The following GRIK4 variants were observed in gnomAD, a reference collection of about 807,000 sequenced individuals.
GRIK4 encodes glutamate ionotropic receptor kainate type subunit 4, also known as glutamate receptor ionotropic, kainate 4.
In GRIK4, 40 loss-of-function variants were observed where a neutral mutation model predicts 104.9. That is an observed-to-expected ratio of 0.38 (90% CI 0.30 to 0.50). The LOEUF (loss-of-function observed/expected upper bound fraction) is 0.50, where lower values mean the gene tolerates loss of function less well. GRIK4 is among the 20% of genes least tolerant of loss of function. The probability of loss-of-function intolerance (pLI) is 0.93; values close to 1 mark genes in which losing one functional copy is unlikely to be tolerated. For synonymous variants in GRIK4, 485 were observed against 524.9 expected (o/e 0.92, Z 1.04); for missense variants, 1,047 against 1,308.1 (o/e 0.80, Z 3.08).
At chr11:120,674,068 C>A (rs984487412) in intron 3 of GRIK4, among the ~76,000 whole-genome samples, 7 of 152,218 alleles carry the variant, frequency 4.6e-5, no homozygotes, top group South Asian at 2.1e-4. Context: ...GCAGCAATAT[C>A]ATTTCATGGC....
chr11:120,874,500 C>A (rs572342901), intron 10 of GRIK4, among the ~76,000 whole-genome samples: 4 of 152,176 alleles, frequency 2.6e-5, no homozygotes, highest in Non-Finnish European at 5.9e-5. Flanking sequence ...AGACTTAGCA[C>A]CTGGCCTCTC....
At chr11:120,837,959 T>C (rs544127417) in intron 8 of GRIK4, among the ~76,000 whole-genome samples, 2 of 151,788 alleles carry the variant, frequency 1.3e-5, no homozygotes, top group South Asian at 4.2e-4. Context: ...GCAACATGAG[T>C]AGAGGAGGAA....
intron 9 of GRIK4, among the ~76,000 whole-genome samples, chr11:120,864,636 C>T (rs538837679): frequency 2.6e-5 from 4 of 152,358 alleles, no homozygotes; most frequent in East Asian, 3.9e-4. Flanking sequence ...AGCCTCACCA[C>T]ATTTGGCATC....
At chr11:120,900,182 G>A (rs1164465613) in intron 12 of GRIK4, among the ~76,000 whole-genome samples, 1 of 152,230 alleles carries the variant, frequency 6.6e-6, no homozygotes, top group African/African-American at 2.4e-5. Context: ...GAGTGGGGAG[G>A]AGAGGTCAAT....
At chr11:120,639,151 G>A (rs911428778) in intron 1 of GRIK4, among the ~76,000 whole-genome samples, 2 of 152,140 alleles carry the variant, frequency 1.3e-5, no homozygotes, top group African/African-American at 4.8e-5. Flanking sequence ...CTGAGATCAC[G>A]CCATTGCACT....
intron 4 of GRIK4, among the ~76,000 whole-genome samples, chr11:120,811,529 G>A (rs1952828330): frequency 6.6e-6 from 1 of 152,030 alleles, no homozygotes. Context: ...GTTTGTTTTG[G>A]GAATTAAATA....
intron 14 of GRIK4, among the ~76,000 whole-genome samples, chr11:120,943,107 TAC>T (rs1222269285): frequency 1.0e-3 from 112 of 106,930 alleles, no homozygotes; most frequent in Non-Finnish European, 1.6e-3. Flanking sequence ...TGTCCCTCTC[TAC>T]ACACACACAC....
intron 1 of GRIK4, among the ~76,000 whole-genome samples, chr11:120,611,888 T>C (rs1949042976): frequency 1.3e-5 from 2 of 152,204 alleles, no homozygotes; most frequent in Admixed American, 1.3e-4. Flanking sequence ...ACCTGCTAGC[T>C]TCTGATTTCT....
chr11:120,828,172 C>G (rs1245122301), intron 6 of GRIK4, among the ~76,000 whole-genome samples: 1 of 152,186 alleles, frequency 6.6e-6, no homozygotes, highest in Non-Finnish European at 1.5e-5. Flanking sequence ...CACCATGCAC[C>G]CTGCCTGCAC....
intron 3 of GRIK4, among the ~76,000 whole-genome samples, chr11:120,738,643 C>T (rs1017558377): frequency 6.6e-6 from 1 of 152,180 alleles, no homozygotes; most frequent in East Asian, 1.9e-4. Context: ...GTTCTACATG[C>T]AGGGCAAGCA....
chr11:120,602,350 C>T (rs559245174), intron 1 of GRIK4, among the ~76,000 whole-genome samples: 1 of 152,294 alleles, frequency 6.6e-6, no homozygotes, highest in African/African-American at 2.4e-5. Context: ...AATTGATTAC[C>T]ATCCTGCTGG....
At chr11:120,517,453 GA>G (rs1947743739) in intron 1 of GRIK4, among the ~76,000 whole-genome samples, 1 of 148,500 alleles carries the variant, frequency 6.7e-6, no homozygotes, top group Non-Finnish European at 1.5e-5. Context: ...TTGCCCCAGG[GA>G]GGCCATGGGC....
intron 11 of GRIK4, among the ~76,000 whole-genome samples, chr11:120,876,435 GTCA>G (rs1259811700): frequency 8.9e-5 from 1 of 11,256 alleles, no homozygotes; most frequent in Non-Finnish European, 2.0e-4. Context: ...CACCACCACT[GTCA>G]TCACCACCAC....
chr11:120,833,690 A>T (rs1471215967), intron 7 of GRIK4, among the ~76,000 whole-genome samples: 1 of 152,250 alleles, frequency 6.6e-6, no homozygotes, highest in African/African-American at 2.4e-5. Flanking sequence ...TTTGGAACAT[A>T]TAGAACAGAA....
At chr11:120,564,115 G>A (rs1476450844) in intron 1 of GRIK4, among the ~76,000 whole-genome samples, 2 of 152,314 alleles carry the variant, frequency 1.3e-5, no homozygotes, top group African/African-American at 2.4e-5. Context: ...GGAAGGGCCC[G>A]GGCGCGCAGG....
intron 14 of GRIK4, among the ~76,000 whole-genome samples, chr11:120,941,107 G>C (rs1943713046): frequency 6.6e-6 from 1 of 152,174 alleles, no homozygotes; most frequent in African/African-American, 2.4e-5. Context: ...CCCTGGCTGG[G>C]TCTCATCCAT....
At chr11:120,552,728 G>T (rs955866216) in intron 1 of GRIK4, among the ~76,000 whole-genome samples, 3 of 152,174 alleles carry the variant, frequency 2.0e-5, no homozygotes, top group Non-Finnish European at 4.4e-5. Context: ...GGCCAGGCGT[G>T]GTGGCTCATG....
chr11:120,557,605 C>T (rs1015710106), intron 1 of GRIK4, among the ~76,000 whole-genome samples: 4 of 152,198 alleles, frequency 2.6e-5, no homozygotes, highest in Non-Finnish European at 4.4e-5. Flanking sequence ...CCTGAAATAC[C>T]AGCCAGGCTC....
chr11:120,626,305 G>A (rs1436820472), intron 1 of GRIK4, among the ~76,000 whole-genome samples: 1 of 152,202 alleles, frequency 6.6e-6, no homozygotes, highest in Non-Finnish European at 1.5e-5. Flanking sequence ...CAAGGGAATG[G>A]AAGAAAGGCC....
Sources: gnomAD v4.1 joint callset for allele counts (sites outside exome capture counted in the v4.1 genomes callset) on GRCh38, gnomAD v4.1.1 for gene constraint, MANE v1.5 for transcripts, NCBI Gene and HGNC (gene_info 2026-07-23, HGNC 2026-07-21) for gene names.